The following CCDC148 variants were observed in gnomAD, a reference collection of about 807,000 sequenced individuals.
CCDC148 encodes coiled-coil domain containing 148, also known as coiled-coil domain-containing protein 148.
CCDC148 carries 89 observed loss-of-function variants against 85.7 expected under a neutral mutation model. The ratio of observed to expected loss-of-function variants is 1.04; its 90% confidence interval spans 0.87 to 1.24. The LOEUF (loss-of-function observed/expected upper bound fraction) is 1.24. CCDC148 is among the 50% of genes most tolerant of loss of function. CCDC148 has a pLI of 0.00. For missense variants in CCDC148, 692 were observed against 671.7 expected (o/e 1.03, Z -0.33); for synonymous variants, 230 against 213.9 (o/e 1.08, Z -0.66).
intron 9 of CCDC148, among the ~76,000 whole-genome samples, chr2:158,293,360 T>A (rs952429690): frequency 3.3e-5 from 5 of 152,214 alleles, no homozygotes; most frequent in Admixed American, 3.3e-4. Context: ...CACCATATGA[T>A]ATTGCTGATA....
intron 11 of CCDC148, among the ~76,000 whole-genome samples, chr2:158,213,491 T>C (rs1459233586): frequency 6.6e-6 from 1 of 152,224 alleles, no homozygotes; most frequent in Non-Finnish European, 1.5e-5. Flanking sequence ...GGAATAAGAT[T>C]GTTAACTACA....
At chr2:158,427,879 A>G (rs1258065087) in intron 1 of CCDC148, among the ~76,000 whole-genome samples, 1 of 152,102 alleles carries the variant, frequency 6.6e-6, no homozygotes. Flanking sequence ...GAAAAAAAAG[A>G]AGGAAGTGGG....
intron 10 of CCDC148, among the ~76,000 whole-genome samples, chr2:158,249,073 C>A (rs1427086674): frequency 2.6e-5 from 4 of 152,098 alleles, no homozygotes; most frequent in African/African-American, 9.7e-5. Flanking sequence ...CATGCCAGTT[C>A]CTCAACCCAA....
At chr2:158,358,614 T>C (rs1473139411) in intron 1 of CCDC148, 44 bp from the exon 2 acceptor site, 1 of 1,391,460 alleles carries the variant, frequency 7.2e-7, no homozygotes, top group African/African-American at 1.5e-5. Flanking sequence ...AAGAATATCA[T>C]GTTATTGGAA....
At chr2:158,399,990 A>G (rs1685704039) in intron 1 of CCDC148, among the ~76,000 whole-genome samples, 1 of 152,166 alleles carries the variant, frequency 6.6e-6, no homozygotes, top group Non-Finnish European at 1.5e-5. Flanking sequence ...TCCAACTTAC[A>G]AGGGATGTGA....
intron 9 of CCDC148, among the ~76,000 whole-genome samples, chr2:158,255,110 A>AAAAAG (rs552702900): frequency 4.0e-4 from 61 of 151,758 alleles, no homozygotes; most frequent in South Asian, 2.9e-3. Flanking sequence ...AATACAAGAA[A>AAAAAG]AAAAGAAAAG....
At chr2:158,209,859 A>T (rs1246868768) in intron 11 of CCDC148, among the ~76,000 whole-genome samples, 1 of 145,382 alleles carries the variant, frequency 6.9e-6, no homozygotes, top group Non-Finnish European at 1.5e-5. Flanking sequence ...CTGCAAAAAC[A>T]TACCAAATTG....
At chr2:158,401,823 A>T (rs1256950416) in intron 1 of CCDC148, among the ~76,000 whole-genome samples, 1 of 151,950 alleles carries the variant, frequency 6.6e-6, no homozygotes, top group Non-Finnish European at 1.5e-5. Context: ...AAAGGAGATT[A>T]CGGGGAGAAC....
intron 1 of CCDC148, among the ~76,000 whole-genome samples, chr2:158,362,202 C>T (rs1683982141): frequency 6.6e-6 from 1 of 151,972 alleles, no homozygotes; most frequent in African/African-American, 2.4e-5. Context: ...TACAAAGAGA[C>T]TTAGACTCCC....
At chr2:158,318,826 G>C (rs117118357) in intron 7 of CCDC148, among the ~76,000 whole-genome samples, 1 of 151,978 alleles carries the variant, frequency 6.6e-6, no homozygotes, top group East Asian at 1.9e-4. Context: ...CCAGTGTGCA[G>C]TGGCGTGATC....
At position 158,277,201 on chromosome 2, in the gene CCDC148, C is replaced by T. The variant is rs151218282; in HGVS notation, c.1111-26289G>A. 3.3e-3 allele frequency among the ~76,000 whole-genome samples: 509 copies of T among 152,258 alleles called. 2 individuals are homozygous for T. Among genetic ancestry groups the T allele is most frequent in the African/African-American group, 0.012 (483 of 41,558 alleles). ...TAGTTGTGCAAGTTGAATAAATGCA[C>T]ATCACAACTCGAGGGGATGATAACA... On this transcript the variant is annotated intron_variant, in intron 9 of 13. Coordinates refer to ENST00000283233, the MANE Select transcript of CCDC148 (RefSeq NM_138803.4).
chr2:158,301,961 A>G lies in CCDC148; in HGVS notation c.1110+7472T>C, dbSNP rs1445933352. Reference sequence around the variant, plus strand: ...GACTGCCCAAGACCTTGAGGATGACAAGAGAAGGCTTCTTTGGATAGTCTT... The same window carrying G: ...GACTGCCCAAGACCTTGAGGATGACGAGAGAAGGCTTCTTTGGATAGTCTT... On this transcript the variant is annotated intron_variant, in intron 9 of 13. Transcript: ENST00000283233. Among the ~76,000 whole-genome samples the G allele has an allele frequency of 3.4e-5, 5 of 147,810 alleles. No individual in the cohort carries two copies. The East Asian group carries it at 9.6e-4, about 29-fold the overall frequency.
chr2:158,343,065 G>T (rs935852333), intron 3 of CCDC148, among the ~76,000 whole-genome samples: 2 of 152,122 alleles, frequency 1.3e-5, no homozygotes, highest in Non-Finnish European at 2.9e-5. Flanking sequence ...CTAGAGTGCA[G>T]TGGCTGTTCA....
intron 9 of CCDC148, among the ~76,000 whole-genome samples, chr2:158,283,917 A>G (rs577887994): frequency 2.0e-5 from 3 of 151,974 alleles, no homozygotes; most frequent in South Asian, 2.1e-4. Context: ...AAAATGTGGC[A>G]CATATACACC....
chr2:158,351,324 C>A (rs892481854), intron 2 of CCDC148, among the ~76,000 whole-genome samples: 4 of 152,200 alleles, frequency 2.6e-5, no homozygotes. Flanking sequence ...TCTGAGGTAC[C>A]GGGTTCATCT....
intron 9 of CCDC148, among the ~76,000 whole-genome samples, chr2:158,271,868 T>C (rs917774180): frequency 1.3e-5 from 2 of 152,154 alleles, no homozygotes; most frequent in African/African-American, 2.4e-5. Flanking sequence ...TTAAACAACA[T>C]GCCTTAAAAC....
intron 10 of CCDC148, among the ~76,000 whole-genome samples, chr2:158,240,239 C>A (rs374670155): frequency 6.6e-6 from 1 of 151,730 alleles, no homozygotes; most frequent in Non-Finnish European, 1.5e-5. Flanking sequence ...ACTCCATATT[C>A]TCAGGTTTAC....
chr2:158,216,993 C>G (rs936745281), intron 11 of CCDC148, among the ~76,000 whole-genome samples: 14 of 152,028 alleles, frequency 9.2e-5, no homozygotes, highest in Non-Finnish European at 1.9e-4. Context: ...ATCTAAAGAT[C>G]ACACAGCTAT....
chr2:158,210,948 G>C (rs1376290819), intron 11 of CCDC148, among the ~76,000 whole-genome samples: 3 of 132,920 alleles, frequency 2.3e-5, no homozygotes, highest in African/African-American at 5.7e-5. Context: ...GACAGAGCAA[G>C]ACTCTGTCTC....
Sources: gnomAD v4.1 joint callset for allele counts (sites outside exome capture counted in the v4.1 genomes callset) on GRCh38, gnomAD v4.1.1 for gene constraint, MANE v1.5 for transcripts, NCBI Gene and HGNC (gene_info 2026-07-23, HGNC 2026-07-21) for gene names.